The following SLC25A21 variants were observed in gnomAD, a reference collection of about 807,000 sequenced individuals.
SLC25A21 encodes the protein mitochondrial 2-oxodicarboxylate carrier.
A neutral mutation model predicts 43.8 loss-of-function variants in SLC25A21; 47 were observed. The ratio of observed to expected loss-of-function variants is 1.07; its 90% CI spans 0.85 to 1.37. The LOEUF is 1.37. Among genes scored for constraint, SLC25A21 ranks in the 40% most tolerant of loss-of-function variants. SLC25A21 has a pLI of 0.00. For missense variants in SLC25A21, 352 were observed against 350.2 expected (o/e 1.00, Z -0.04); for synonymous variants, 131 against 121.3 (o/e 1.08, Z -0.52).
chr14:36,813,369 T>TC (rs1382741344), intron 3 of SLC25A21, among the ~76,000 whole-genome samples: 1 of 151,468 alleles, frequency 6.6e-6, no homozygotes, highest in Non-Finnish European at 1.5e-5. Flanking sequence ...CGCATCAATT[T>TC]TTTTTTTTCT....
rs147816065 is a variant in SLC25A21, at chr14:36,804,837, T to A, written c.203+9081A>T. Among the ~76,000 whole-genome samples the A allele has an allele frequency of 8.5e-5, 13 of 152,326 alleles. No individual in the cohort carries two copies. In the East Asian group the frequency reaches 2.5e-3, roughly 29 times the overall value. Reference sequence around the variant, plus strand: ...GCTTTTAGGAAGTTCTCTTTTTCCATTTGATTTGAAAATGTTCGGTTTTAA... The same window carrying A: ...GCTTTTAGGAAGTTCTCTTTTTCCAATTGATTTGAAAATGTTCGGTTTTAA... On this transcript the variant is annotated intron_variant, in intron 3 of 9. Transcript: ENST00000331299.
intron 1 of SLC25A21, among the ~76,000 whole-genome samples, chr14:36,960,091 G>GT (rs1483058885): frequency 6.6e-6 from 1 of 152,166 alleles, no homozygotes; most frequent in Admixed American, 6.5e-5. Flanking sequence ...GTCCATGGAT[G>GT]TATCTTTTTG....
intron 1 of SLC25A21, among the ~76,000 whole-genome samples, chr14:37,148,431 C>T (rs1963704885): frequency 1.3e-5 from 2 of 152,146 alleles, no homozygotes; most frequent in South Asian, 4.1e-4. Context: ...TAGGTCAAAA[C>T]ACAGATGTTT....
chr14:36,875,005 C>A lies in SLC25A21; in HGVS notation c.71-1G>T, dbSNP rs961953393. On this transcript the variant is annotated splice_acceptor_variant, in intron 1 of 9. Coordinates refer to ENST00000331299, the MANE Select transcript of SLC25A21 (RefSeq NM_030631.4). LOFTEE classifies it high-confidence loss of function. ...TGCATCAGGCAAATTTCTACAAGAC[C>A]TGAAAGATGATAAAGAAAATCCAAT... The A allele has an allele frequency of 6.4e-7, 1 of 1,552,342 alleles. No individual in the cohort carries two copies.
intron 1 of SLC25A21, among the ~76,000 whole-genome samples, chr14:37,042,585 TGTA>T (rs1278776187): frequency 1.3e-5 from 2 of 152,336 alleles, no homozygotes; most frequent in East Asian, 3.9e-4. Flanking sequence ...AAAATATGTC[TGTA>T]GAAGATAAAT....
At chr14:37,052,284 G>A (rs1333865069) in intron 1 of SLC25A21, among the ~76,000 whole-genome samples, 3 of 152,238 alleles carry the variant, frequency 2.0e-5, no homozygotes, top group South Asian at 4.2e-4. Flanking sequence ...ATAGAAGATT[G>A]AAAAATCGAT....
intron 2 of SLC25A21, among the ~76,000 whole-genome samples, chr14:36,847,519 A>G (rs1332010769): frequency 6.6e-6 from 1 of 152,228 alleles, no homozygotes; most frequent in African/African-American, 2.4e-5. Flanking sequence ...ACACACTGTG[A>G]TAAACGCCAC....
chr14:36,973,627 A>G (rs1250505714), intron 1 of SLC25A21, among the ~76,000 whole-genome samples: 6 of 152,256 alleles, frequency 3.9e-5, no homozygotes, highest in Non-Finnish European at 5.9e-5. Context: ...AGAGTTGAAA[A>G]GCAAACACCT....
intron 1 of SLC25A21, among the ~76,000 whole-genome samples, chr14:36,982,908 G>A (rs1960062754): frequency 1.3e-5 from 2 of 152,058 alleles, no homozygotes; most frequent in South Asian, 4.1e-4. Flanking sequence ...GTTTCAAGAG[G>A]AACACACTTG....
chr14:36,955,501 T>G (rs549914585), intron 1 of SLC25A21, among the ~76,000 whole-genome samples: 1 of 152,214 alleles, frequency 6.6e-6, no homozygotes, highest in Non-Finnish European at 1.5e-5. Flanking sequence ...GATGGCCTAC[T>G]TGACTTGTTG....
chr14:37,042,954 T>C (rs886951264), intron 1 of SLC25A21, among the ~76,000 whole-genome samples: 3 of 152,170 alleles, frequency 2.0e-5, no homozygotes, highest in African/African-American at 7.2e-5. Context: ...GAAATCCAAA[T>C]TTGATGCATT....
intron 6 of SLC25A21, among the ~76,000 whole-genome samples, chr14:36,713,778 G>A (rs1053831519): frequency 1.3e-5 from 2 of 152,076 alleles, no homozygotes; most frequent in Admixed American, 1.3e-4. Context: ...GAGCCCAGGA[G>A]TTCAAGACCA....
At chr14:36,749,199 G>C (rs1256634562) in intron 3 of SLC25A21, among the ~76,000 whole-genome samples, 1 of 152,152 alleles carries the variant, frequency 6.6e-6, no homozygotes, top group African/African-American at 2.4e-5. Context: ...TGGAGTCTCT[G>C]AGCCTACCCT....
intron 1 of SLC25A21, among the ~76,000 whole-genome samples, chr14:37,165,777 G>T (rs1388956484): frequency 6.6e-6 from 1 of 152,078 alleles, no homozygotes; most frequent in African/African-American, 2.4e-5. Flanking sequence ...CATCTGAGTG[G>T]GCCTGATCTT....
chr14:37,056,953 C>T (rs573605567), intron 1 of SLC25A21, among the ~76,000 whole-genome samples: 1 of 152,294 alleles, frequency 6.6e-6, no homozygotes, highest in African/African-American at 2.4e-5. Context: ...AATCTCTACA[C>T]ACTGAGAATT....
chr14:37,040,372 AG>A (rs1206436963), intron 1 of SLC25A21, among the ~76,000 whole-genome samples: 2 of 41,888 alleles, frequency 4.8e-5, no homozygotes, highest in East Asian at 6.0e-4. Flanking sequence ...AGAGAGAGAG[AG>A]AGAAAGAAAG....
At chr14:36,783,164 T>C (rs190792676) in intron 3 of SLC25A21, among the ~76,000 whole-genome samples, 142 of 141,128 alleles carry the variant, frequency 1.0e-3, no homozygotes, top group Middle Eastern at 7.2e-3. Context: ...GCTGATTATG[T>C]GTGCTTGCAA....
At chr14:37,057,767 T>C (rs577960345) in intron 1 of SLC25A21, among the ~76,000 whole-genome samples, 5 of 152,366 alleles carry the variant, frequency 3.3e-5, no homozygotes, top group African/African-American at 1.2e-4. Flanking sequence ...TTTAGTTCTA[T>C]CTTATCAATA....
At chr14:36,926,796 T>C (rs189790538) in intron 1 of SLC25A21, among the ~76,000 whole-genome samples, 1 of 152,162 alleles carries the variant, frequency 6.6e-6, no homozygotes, top group South Asian at 2.1e-4. Context: ...AAACAATTCA[T>C]TGTGAAAGCT....
Sources: allele counts gnomAD v4.1 joint callset (sites outside exome capture counted in the v4.1 genomes callset), GRCh38; gene constraint gnomAD v4.1.1; transcripts MANE v1.5; gene names NCBI Gene and HGNC (gene_info 2026-07-23, HGNC 2026-07-21).